SHANK2: variants seen among roughly 807,000 people sequenced by gnomAD.
SHANK2 encodes SH3 and multiple ankyrin repeat domains protein 2.
In SHANK2, 43 loss-of-function variants were observed where a neutral mutation model predicts 133.7. The observed-to-expected ratio is 0.32, with a 90% CI of 0.25 to 0.41. The LOEUF (loss-of-function observed/expected upper bound fraction) is 0.41. SHANK2 is among the 10% of genes least tolerant of loss of function. The pLI is 1.00. For synonymous variants in SHANK2, 1,017 were observed against 952.8 expected, an observed-to-expected ratio of 1.07 and a Z score of -1.24; for missense variants, 1,994 against 2,235.8, an observed-to-expected ratio of 0.89 and a Z score of 2.18.
Position 70,896,561 on chromosome 11 carries a change from T to C in SHANK2, c.1114A>G (p.Ile372Val), listed in dbSNP as rs1555075741. 4.2e-6 allele frequency: 3 copies of C among 719,092 alleles called. No homozygotes were observed. Among genetic ancestry groups the C allele is most frequent in the African/African-American group, 1.7e-5 (1 of 57,408 alleles). The allele number at this position is 719,092 out of a possible 1,614,324, so 44.5% of individuals were successfully genotyped here. A position where few individuals can be genotyped will look rare whatever the true frequency, so the allele number is the denominator to read the frequency against. ...YNSQTPFQVA[I>V]IAGNFELAEY... The stretch of plus-strand genomic sequence containing the variant: ...GCCAGCTCAAAGTTGCCTGCTATTA[T>C]GGCCACCTGCAAAGTGAAAATCACA... Residue 372 changes from isoleucine to valine, a missense_variant, in exon 11 of 26, where the codon ATA becomes GTA. This residue lies in a region of SHANK2 where 653 missense variants were observed against 563.4 expected (regional missense o/e 1.16). Coordinates refer to ENST00000601538, the MANE Select transcript of SHANK2 (RefSeq NM_012309.5).
Position 71,176,290 on chromosome 11 carries a change from C to T in SHANK2, c.-12-28952G>A, listed in dbSNP as rs111478589. 3.8e-4 allele frequency among the ~76,000 whole-genome samples: 58 copies of T among 152,262 alleles called. 1 individual carries two copies. Among genetic ancestry groups the T allele is most frequent in the African/African-American group, 1.3e-3 (56 of 41,550 alleles). ...CAAGAATATGTACAGAAATCCAAAACACACAGGTCCAACAAGATTAAATTC... is the reference window on the plus strand; with the variant it reads ...CAAGAATATGTACAGAAATCCAAAATACACAGGTCCAACAAGATTAAATTC... On this transcript the variant is annotated intron_variant, in intron 2 of 25. Transcript: ENST00000601538.
chr11:71,205,489 C>T (rs1954110053), intron 2 of SHANK2, among the ~76,000 whole-genome samples: 2 of 152,220 alleles, frequency 1.3e-5, no homozygotes, highest in South Asian at 2.1e-4. Context: ...GGCTGCACAG[C>T]CCCTCAGGAG....
Position 70,777,519 on chromosome 11 carries a change from TCATC to T in SHANK2, c.1777+20920_1777+20923del, listed in dbSNP as rs201578144. 4.4e-4 allele frequency among the ~76,000 whole-genome samples: 67 copies of T among 151,232 alleles called. No individual in the cohort carries two copies. In the South Asian group the frequency reaches 0.013, roughly 30 times the overall value. ...TCCATCCTCCCACCTACCTATCCAT[TCATC>T]CATCCATCCATCCATCCATCCATCC... On this transcript the variant is annotated intron_variant, in intron 14 of 25. Coordinates refer to ENST00000601538, the MANE Select transcript of SHANK2 (RefSeq NM_012309.5).
chr11:70,599,945 A>AAGAAAGAT (rs2060468079), intron 17 of SHANK2, among the ~76,000 whole-genome samples: 1 of 120,436 alleles, frequency 8.3e-6, no homozygotes, highest in African/African-American at 3.6e-5. Flanking sequence ...GAAAGAAAGA[A>AAGAAAGAT]AGAAAGAAAG....
At chr11:70,776,771 C>T (rs371383601) in intron 14 of SHANK2, among the ~76,000 whole-genome samples, 1 of 151,682 alleles carries the variant, frequency 6.6e-6, no homozygotes, top group African/African-American at 2.4e-5. Context: ...CTCACCCACT[C>T]AGCCACCCAT....
At chr11:70,679,029 C>G (rs1211930223) in intron 15 of SHANK2, among the ~76,000 whole-genome samples, 1 of 152,182 alleles carries the variant, frequency 6.6e-6, no homozygotes, top group East Asian at 1.9e-4. Context: ...CTTCCTCCCC[C>G]GCCCTCACAT....
chr11:70,706,502 C>T (rs1319555025), intron 14 of SHANK2, among the ~76,000 whole-genome samples: 1 of 152,174 alleles, frequency 6.6e-6, no homozygotes, highest in African/African-American at 2.4e-5. Flanking sequence ...CAGTGGCTGG[C>T]TGTGACCTCC....
chr11:70,772,704 A>G (rs1242565859), intron 14 of SHANK2, among the ~76,000 whole-genome samples: 1 of 152,138 alleles, frequency 6.6e-6, no homozygotes, highest in Non-Finnish European at 1.5e-5. Flanking sequence ...GCCTGAGTAA[A>G]CATACATAAT....
At chr11:71,084,498 C>T (rs1023823121) in intron 8 of SHANK2, among the ~76,000 whole-genome samples, 24 of 152,200 alleles carry the variant, frequency 1.6e-4, no homozygotes, top group Non-Finnish European at 1.9e-4. Context: ...GCTGTGGCCG[C>T]GCAGGCTCTC....
In SHANK2 at chr11:70,846,481, G is replaced by C. The variant is rs567216934; in HGVS notation, c.1175-25799C>G. On this transcript the variant is annotated intron_variant, in intron 11 of 25. Transcript: ENST00000601538. ...GATGGGGCCTTGCTATGTTGCCCAG[G>C]CTGGCCTCAAGCGATCCTCCCACCT... Among the ~76,000 whole-genome samples, 4 of 152,006 alleles carry C rather than the reference G, an allele frequency of 2.6e-5. No individual in the cohort carries two copies. The East Asian group carries it at 5.8e-4, about 22-fold the overall frequency.
chr11:70,555,207 C>A (rs2059814908), intron 17 of SHANK2, among the ~76,000 whole-genome samples: 1 of 152,192 alleles, frequency 6.6e-6, no homozygotes, highest in African/African-American at 2.4e-5. Flanking sequence ...TCCCTCTGTG[C>A]AGGCCTCCTT....
intron 10 of SHANK2, among the ~76,000 whole-genome samples, chr11:70,903,966 G>A (rs1195332051): frequency 5.3e-5 from 8 of 152,148 alleles, no homozygotes; most frequent in African/African-American, 1.9e-4. Flanking sequence ...CATTCCAGGA[G>A]CAGCACCCCA....
chr11:70,741,086 G>A (rs1189352256), intron 14 of SHANK2, among the ~76,000 whole-genome samples: 4 of 151,672 alleles, frequency 2.6e-5, no homozygotes, highest in African/African-American at 9.7e-5. Flanking sequence ...CTCATAAACT[G>A]AGCTATTGCT....
intron 1 of SHANK2, among the ~76,000 whole-genome samples, chr11:71,229,292 T>C (rs1555122661): frequency 1.3e-5 from 2 of 152,160 alleles, no homozygotes; most frequent in Non-Finnish European, 2.9e-5. Flanking sequence ...TTGTCCCTAT[T>C]TGCACACAGC....
chr11:71,109,899 C>T (rs1405086154), intron 6 of SHANK2, 42 bp downstream of exon 6: 2 of 1,276,920 alleles, frequency 1.6e-6, no homozygotes, highest in African/African-American at 1.5e-5. Context: ...CTTCTCTACG[C>T]TTCCGTAAAG....
chr11:70,476,758 C>T (rs2058669813), intron 25 of SHANK2, among the ~76,000 whole-genome samples: 1 of 152,162 alleles, frequency 6.6e-6, no homozygotes, highest in African/African-American at 2.4e-5. Context: ...TGTGCTTTTG[C>T]TAAAGCTGAC....
intron 11 of SHANK2, among the ~76,000 whole-genome samples, chr11:70,877,302 T>C (rs970371460): frequency 6.6e-6 from 1 of 152,258 alleles, no homozygotes. Flanking sequence ...CCTCACCCTA[T>C]GCCGATGGCC....
At chr11:71,121,520 G>A (rs1173911741) in intron 3 of SHANK2, among the ~76,000 whole-genome samples, 3 of 152,202 alleles carry the variant, frequency 2.0e-5, no homozygotes, top group Non-Finnish European at 4.4e-5. Context: ...TAGATTGCCT[G>A]TTCACTCTGA....
At chr11:71,142,444 T>C (rs1219295628) in intron 3 of SHANK2, among the ~76,000 whole-genome samples, 1 of 152,126 alleles carries the variant, frequency 6.6e-6, no homozygotes, top group Non-Finnish European at 1.5e-5. Flanking sequence ...GAGGTTGCAG[T>C]GAGCTGAGAT....
Sources: allele counts gnomAD v4.1 joint callset (sites outside exome capture counted in the v4.1 genomes callset), GRCh38; gene constraint gnomAD v4.1.1; regional missense constraint gnomAD v4.1.1; transcripts MANE v1.5; gene names NCBI Gene and HGNC (gene_info 2026-07-23, HGNC 2026-07-21).